Variants in UNC79 observed in about 807,000 individuals in gnomAD.
The protein encoded by UNC79 is protein unc-79 homolog.
UNC79 carries 37 observed loss-of-function variants against 283.1 expected under a neutral mutation model. The observed-to-expected ratio is 0.13, with a 90% CI of 0.10 to 0.17. UNC79 has a LOEUF of 0.17. Among genes scored for constraint, UNC79 ranks in the 10% least tolerant of loss-of-function variants. The pLI, the probability that UNC79 is intolerant of heterozygous loss-of-function variation, is 1.00. For missense variants in UNC79, 2,272 were observed against 3,211.1 expected, an observed-to-expected ratio of 0.71 and a Z score of 7.07; for synonymous variants, 1,107 against 1,200.2, an observed-to-expected ratio of 0.92 and a Z score of 1.61.
At position 93,646,669 on chromosome 14, in the gene UNC79, G is replaced by C. The variant is rs375773854; in HGVS notation, c.6083+23G>C. 43 of 1,613,090 alleles carry C rather than the reference G, an allele frequency of 2.7e-5. No individual in the cohort carries two copies. In the African/African-American group the frequency reaches 5.2e-4, roughly 20 times the overall value. On this transcript the variant is annotated intron_variant, in intron 35 of 48. Transcript: ENST00000555664. ...AAGGTAAGGTCCTAACGGGAGCCCAGATCTCACTTTCTTTTCTCCTCTGTG... is the reference window on the plus strand; with the variant it reads ...AAGGTAAGGTCCTAACGGGAGCCCACATCTCACTTTCTTTTCTCCTCTGTG...
chr14:93,369,582 T>G (rs1387236624), intron 1 of UNC79, among the ~76,000 whole-genome samples: 4 of 152,192 alleles, frequency 2.6e-5, no homozygotes, highest in Non-Finnish European at 4.4e-5. Flanking sequence ...GAACTGTAAT[T>G]GGCATATTAG....
At chr14:93,456,514 G>A (rs963282831) in intron 1 of UNC79, among the ~76,000 whole-genome samples, 1 of 152,104 alleles carries the variant, frequency 6.6e-6, no homozygotes, top group Non-Finnish European at 1.5e-5. Flanking sequence ...ATCCAACAGA[G>A]GAAGGGAATC....
intron 30 of UNC79, among the ~76,000 whole-genome samples, chr14:93,623,067 A>T (rs763250919): frequency 3.8e-4 from 58 of 151,934 alleles, no homozygotes; most frequent in Admixed American, 1.3e-4. Context: ...GTTGTTTTAA[A>T]CTCTGCAGTC....
chr14:93,543,215 T>TAC (rs1269989401), intron 14 of UNC79, among the ~76,000 whole-genome samples: 1 of 151,602 alleles, frequency 6.6e-6, no homozygotes, highest in South Asian at 2.1e-4. Flanking sequence ...TATATATATA[T>TAC]ACAGGTTAAT....
At chr14:93,495,115 G>A (rs1034364668) in intron 5 of UNC79, among the ~76,000 whole-genome samples, 11 of 152,178 alleles carry the variant, frequency 7.2e-5, no homozygotes, top group African/African-American at 2.4e-4. Flanking sequence ...CTAGCTGCAA[G>A]GGGCTTTGGG....
At chr14:93,607,470 AG>A (rs1433702856) in intron 26 of UNC79, among the ~76,000 whole-genome samples, 2 of 152,214 alleles carry the variant, frequency 1.3e-5, no homozygotes, top group Admixed American at 6.5e-5. Flanking sequence ...CTGGCATCCA[AG>A]GGATTTGGCT....
chr14:93,497,095 A>C, intron 6 of UNC79, 62 bp from the exon 7 acceptor site: 1 of 1,544,590 alleles, frequency 6.5e-7, no homozygotes, highest in Non-Finnish European at 8.7e-7. Flanking sequence ...GTAATGTTGA[A>C]GTCTCTACCT....
At chr14:93,347,242 G>T (rs1448496442) in intron 1 of UNC79, 1 of 1,583,740 alleles carries the variant, frequency 6.3e-7, no homozygotes. Context: ...TGCTGTCCAC[G>T]CCTGGCTTTG....
chr14:93,423,286 C>A (rs1164309616), intron 1 of UNC79, among the ~76,000 whole-genome samples: 2 of 152,050 alleles, frequency 1.3e-5, no homozygotes, highest in Non-Finnish European at 2.9e-5. Flanking sequence ...ACCATACCAC[C>A]TAAAGCAATC....
chr14:93,459,346 G>A (rs1460114128), intron 1 of UNC79, among the ~76,000 whole-genome samples: 1 of 152,210 alleles, frequency 6.6e-6, no homozygotes, highest in African/African-American at 2.4e-5. Flanking sequence ...GGCAGGACTA[G>A]TGAAGTAAAT....
At position 93,447,551 on chromosome 14, in the gene UNC79, A is replaced by G. The variant is rs796888361; in HGVS notation, c.22+16500A>G. Among the ~76,000 whole-genome samples, 16 of 152,172 alleles carry G rather than the reference A, an allele frequency of 1.1e-4. 1 individual carries two copies. Among genetic ancestry groups the G allele is most frequent in the African/African-American group, 3.6e-4 (15 of 41,566 alleles). On this transcript the variant is annotated intron_variant, in intron 1 of 48. Coordinates refer to ENST00000555664, the Ensembl canonical transcript of UNC79. ...GAAAGTATAGTCTTTTGCATTTACCAAGATATTTACCATTTCTGGTGCTCT... is the reference window on the plus strand; with the variant it reads ...GAAAGTATAGTCTTTTGCATTTACCGAGATATTTACCATTTCTGGTGCTCT...
At chr14:93,697,245 C>T (rs773783633) in intron 47 of UNC79, among the ~76,000 whole-genome samples, 1 of 152,128 alleles carries the variant, frequency 6.6e-6, no homozygotes, top group Non-Finnish European at 1.5e-5. Flanking sequence ...AAGTGATTCT[C>T]CTGCCTCAGC....
intron 11 of UNC79, among the ~76,000 whole-genome samples, chr14:93,534,346 T>G (rs1438543488): frequency 6.6e-6 from 1 of 152,238 alleles, no homozygotes; most frequent in Non-Finnish European, 1.5e-5. Flanking sequence ...TTCGTGCATG[T>G]AGGAGTTAGG....
chr14:93,346,839 G>A (rs2053843880), intron 1 of UNC79, among the ~76,000 whole-genome samples: 1 of 152,114 alleles, frequency 6.6e-6, no homozygotes, highest in Non-Finnish European at 1.5e-5. Flanking sequence ...GAGGGTGGCA[G>A]GAGAGTTTAG....
chr14:93,344,136 T>A (rs957601475), intron 1 of UNC79, among the ~76,000 whole-genome samples: 2 of 152,208 alleles, frequency 1.3e-5, no homozygotes, highest in African/African-American at 4.8e-5. Flanking sequence ...AATGCTTAAA[T>A]CTCACTTGAA....
At chr14:93,689,875 T>A (rs78945534) in intron 44 of UNC79, 26 of 481,426 alleles carry the variant, frequency 5.4e-5, no homozygotes, top group Middle Eastern at 1.1e-3. Context: ...TGTGGAAGAA[T>A]GCTGTGTAAT....
At position 93,688,901 on chromosome 14, in the gene UNC79, C is replaced by T. The variant is rs181675688; in HGVS notation, c.7085+61C>T. The T allele has an allele frequency of 2.4e-4, 372 of 1,564,844 alleles. 2 individuals carry two copies. The Middle Eastern group carries it at 2.6e-3, about 11-fold the overall frequency. On this transcript the variant is annotated intron_variant, in intron 44 of 48. Coordinates refer to ENST00000555664, the Ensembl canonical transcript of UNC79. This position sits in a 1 kb window ranked among gnomAD's most constrained non-coding sequence, Gnocchi z 4.0. ...AAGGCAGGAGACACCCCTGAGTTTC[C>T]TCGGGCTCAGCTAGAGTTAAGGAGT...
At chr14:93,454,475 G>A (rs949105582) in intron 1 of UNC79, among the ~76,000 whole-genome samples, 1 of 151,962 alleles carries the variant, frequency 6.6e-6, no homozygotes, top group African/African-American at 2.4e-5. Context: ...TGTGCAGTGG[G>A]GGTCACAGCT....
At chr14:93,500,497 A>G (rs1179859869) in intron 7 of UNC79, among the ~76,000 whole-genome samples, 3 of 152,146 alleles carry the variant, frequency 2.0e-5, no homozygotes, top group Admixed American at 6.5e-5. Context: ...ATAGATTACT[A>G]CTTATCCAGC....
Sources: gnomAD v4.1 joint callset for allele counts (sites outside exome capture counted in the v4.1 genomes callset) on GRCh38, gnomAD v4.1.1 for gene constraint, Gnocchi (gnomAD v3.1) non-coding constraint, MANE v1.5 for transcripts, NCBI Gene and HGNC (gene_info 2026-07-23, HGNC 2026-07-21) for gene names.